The following SLC9A9 variants were observed in gnomAD, a reference collection of about 807,000 sequenced individuals.
SLC9A9 encodes solute carrier family 9 member A9.
In SLC9A9, 62 loss-of-function variants were observed where a neutral mutation model predicts 77.8. The ratio of observed to expected loss-of-function variants is 0.80; its 90% CI spans 0.65 to 0.98. The LOEUF is 0.98. Ranked by LOEUF, SLC9A9 falls within the 50% of genes least tolerant of loss-of-function variation. The pLI is 0.00. For missense variants in SLC9A9, 775 were observed against 774.9 expected, an observed-to-expected ratio of 1.00 and a Z score of 0.00; for synonymous variants, 320 against 283.5, an observed-to-expected ratio of 1.13 and a Z score of -1.29.
At position 143,848,189 on chromosome 3, in the gene SLC9A9, C is replaced by T. The variant is rs762162474; in HGVS notation, c.134G>A (p.Arg45Gln). The T allele has an allele frequency of 2.6e-5, 42 of 1,613,918 alleles. No individual in the cohort carries two copies. The highest frequency in any genetic ancestry group is 3.4e-5 in the Non-Finnish European group (40 of 1,179,900). ...TCCAGTTTCATGCAAGAAGCGGAAT[C>T]GATGATTTTTAAATAACCAGATTGT... ...ILTIWLFKNH[R>Q]FRFLHETGGA... The change falls in exon 1 of 16, where the codon CGA becomes CAA. Residue 45 changes from arginine (R) to glutamine (Q), a missense_variant. Transcript: ENST00000316549.
intron 12 of SLC9A9, among the ~76,000 whole-genome samples, chr3:143,435,854 C>A (rs2108540298): frequency 1.3e-5 from 2 of 152,258 alleles, no homozygotes; most frequent in Middle Eastern, 6.8e-3. Flanking sequence ...TCTGCTCTGC[C>A]AACTCAGTAA....
intron 4 of SLC9A9, among the ~76,000 whole-genome samples, chr3:143,784,576 C>T (rs531959738): frequency 4.1e-5 from 6 of 147,844 alleles, no homozygotes; most frequent in African/African-American, 1.5e-4. Context: ...CCTGGCTGGT[C>T]TCTAACTCCT....
chr3:143,786,203 A>T (rs1481348223), intron 4 of SLC9A9, among the ~76,000 whole-genome samples: 1 of 152,184 alleles, frequency 6.6e-6, no homozygotes, highest in Non-Finnish European at 1.5e-5. Flanking sequence ...AATCCTTAGG[A>T]TAGGTTGTTT....
At chr3:143,304,090 T>C (rs1358943914) in intron 14 of SLC9A9, among the ~76,000 whole-genome samples, 1 of 152,212 alleles carries the variant, frequency 6.6e-6, no homozygotes, top group African/African-American at 2.4e-5. Context: ...AGTCACTTCT[T>C]AGTCACCCAC....
At chr3:143,774,941 G>A (rs375265561) in intron 4 of SLC9A9, among the ~76,000 whole-genome samples, 1 of 152,068 alleles carries the variant, frequency 6.6e-6, no homozygotes, top group Non-Finnish European at 1.5e-5. Context: ...TCCCACAGTA[G>A]TGCTCCACCA....
intron 14 of SLC9A9, among the ~76,000 whole-genome samples, chr3:143,294,415 G>A (rs2030159170): frequency 6.6e-6 from 1 of 152,128 alleles, no homozygotes; most frequent in African/African-American, 2.4e-5. Flanking sequence ...TTCAAATCTT[G>A]ACAAGGCAAG....
chr3:143,836,700 C>T (rs1421275287), intron 1 of SLC9A9, among the ~76,000 whole-genome samples: 1 of 152,146 alleles, frequency 6.6e-6, no homozygotes, highest in Non-Finnish European at 1.5e-5. Flanking sequence ...TGAACTGATT[C>T]TCATTTTATT....
rs138930781 is a variant in SLC9A9 at position 143,801,506 on chromosome 3, C to T, written c.379-4603G>A. ...CCCACCATTACCATTGTTCCTGGCC[C>T]AGACTTCAATCCAGCCTCCCACATT... On this transcript the variant is annotated intron_variant, in intron 2 of 15. Transcript: ENST00000316549. Among the ~76,000 whole-genome samples, 15 of 152,278 alleles carry T rather than the reference C, an allele frequency of 9.9e-5. No homozygotes were observed. In the East Asian group the frequency reaches 1.7e-3, roughly 18 times the overall value.
chr3:143,665,561 G>C (rs969985438), intron 5 of SLC9A9, among the ~76,000 whole-genome samples: 16 of 151,930 alleles, frequency 1.1e-4, no homozygotes, highest in Admixed American at 2.6e-4. Flanking sequence ...TTTTTGAAAA[G>C]ATCAACAAAA....
At chr3:143,839,151 C>T (rs1404291430) in intron 1 of SLC9A9, among the ~76,000 whole-genome samples, 1 of 149,244 alleles carries the variant, frequency 6.7e-6, no homozygotes, top group East Asian at 1.9e-4. Context: ...TTTCTCTGTT[C>T]TCCCACCAAC....
intron 14 of SLC9A9, among the ~76,000 whole-genome samples, chr3:143,326,687 A>G (rs1262736072): frequency 6.6e-6 from 1 of 152,096 alleles, no homozygotes; most frequent in South Asian, 2.1e-4. Flanking sequence ...GCTATTCTCC[A>G]TTGTGGCAAA....
chr3:143,836,452 G>A (rs1207173497), intron 1 of SLC9A9, among the ~76,000 whole-genome samples: 2 of 152,210 alleles, frequency 1.3e-5, no homozygotes, highest in African/African-American at 4.8e-5. Flanking sequence ...CCGAGTTTAT[G>A]TAGTCAGTCA....
At chr3:143,609,526 A>C (rs2037983835) in intron 6 of SLC9A9, among the ~76,000 whole-genome samples, 1 of 152,134 alleles carries the variant, frequency 6.6e-6, no homozygotes, top group African/African-American at 2.4e-5. Flanking sequence ...CTCAAGGGGA[A>C]TTTCTTTTTT....
At chr3:143,728,679 A>G (rs1934725731) in intron 4 of SLC9A9, among the ~76,000 whole-genome samples, 1 of 152,146 alleles carries the variant, frequency 6.6e-6, no homozygotes, top group Admixed American at 6.6e-5. Context: ...CCGTATTCCA[A>G]GAGAAGAATG....
intron 12 of SLC9A9, among the ~76,000 whole-genome samples, chr3:143,434,170 C>G (rs1404621737): frequency 2.6e-5 from 4 of 152,178 alleles, no homozygotes; most frequent in Non-Finnish European, 5.9e-5. Flanking sequence ...GCATCTTTCT[C>G]AAGGTGGCTC....
intron 6 of SLC9A9, among the ~76,000 whole-genome samples, chr3:143,611,188 G>T (rs533717872): frequency 6.6e-6 from 1 of 152,168 alleles, no homozygotes; most frequent in South Asian, 2.1e-4. Flanking sequence ...ACATAAAGTT[G>T]GGGAAATCTT....
chr3:143,815,552 A>ATTTTTT (rs776946492), intron 2 of SLC9A9, among the ~76,000 whole-genome samples: 39,400 of 150,766 alleles, frequency 0.26, 6,122 homozygotes, highest in Non-Finnish European at 0.34. Context: ...ATTTTAAAAA[A>ATTTTTT]AAAAAAAGGT....
chr3:143,646,033 T>C lies in SLC9A9; in HGVS notation c.755+6222A>G, dbSNP rs529715582. Among the ~76,000 whole-genome samples, 586 of 152,210 alleles carry C rather than the reference T, an allele frequency of 3.8e-3. 4 individuals are homozygous for C. Among genetic ancestry groups the C allele is most frequent in the African/African-American group, 0.013 (553 of 41,550 alleles). ...CCAACATCTTCTTTCTCTTCTATCA[T>C]GGGTAGCAAAAGAATTTCAGACTTC... On this transcript the variant is annotated intron_variant, in intron 6 of 15. Coordinates refer to ENST00000316549, the MANE Select transcript of SLC9A9 (RefSeq NM_173653.4).
At chr3:143,533,748 G>T (rs1427045160) in intron 9 of SLC9A9, among the ~76,000 whole-genome samples, 1 of 152,224 alleles carries the variant, frequency 6.6e-6, no homozygotes, top group Non-Finnish European at 1.5e-5. Context: ...GTCAGGGAAA[G>T]GTCTTTGTAG....
Sources: gnomAD v4.1 joint callset for allele counts (sites outside exome capture counted in the v4.1 genomes callset) on GRCh38, gnomAD v4.1.1 for gene constraint, MANE v1.5 for transcripts, NCBI Gene and HGNC (gene_info 2026-07-23, HGNC 2026-07-21) for gene names.